NLGN1: variants seen among roughly 807,000 people sequenced by gnomAD.
NLGN1 encodes the protein neuroligin-1.
Under a neutral mutation model 65.5 loss-of-function variants are expected in NLGN1, and 12 were observed. The observed-to-expected ratio is 0.18, with a 90% CI of 0.12 to 0.30. NLGN1 has a LOEUF of 0.30. Ranked by LOEUF, NLGN1 falls within the 10% of genes least tolerant of loss-of-function variation. NLGN1 has a pLI of 1.00. For missense variants in NLGN1, 750 were observed against 1,007.1 expected (o/e 0.74, Z 3.46); for synonymous variants, 350 against 359.5 (o/e 0.97, Z 0.30).
At chr3:173,442,352 CAT>C (rs1359722369) in intron 2 of NLGN1, among the ~76,000 whole-genome samples, 1 of 151,996 alleles carries the variant, frequency 6.6e-6, no homozygotes, top group Non-Finnish European at 1.5e-5. Flanking sequence ...AATTACTGAT[CAT>C]ATTTTCTATC....
intron 4 of NLGN1, among the ~76,000 whole-genome samples, chr3:174,183,664 G>A (rs1373263467): frequency 2.0e-5 from 3 of 151,556 alleles, no homozygotes; most frequent in Non-Finnish European, 4.4e-5. Flanking sequence ...CTACTTACAT[G>A]TTAAGTCTTT....
chr3:173,696,841 T>A (rs1766293162), intron 3 of NLGN1, among the ~76,000 whole-genome samples: 2 of 152,218 alleles, frequency 1.3e-5, no homozygotes, highest in Admixed American at 6.5e-5. Flanking sequence ...TACATCACAG[T>A]CTTTTGTATT....
At chr3:173,543,562 G>T (rs1739255236) in intron 2 of NLGN1, among the ~76,000 whole-genome samples, 1 of 152,086 alleles carries the variant, frequency 6.6e-6, no homozygotes, top group Non-Finnish European at 1.5e-5. Flanking sequence ...AAGATAGCAA[G>T]CGTATTCTAA....
intron 2 of NLGN1, among the ~76,000 whole-genome samples, chr3:173,525,296 C>T (rs73043583): frequency 0.035 from 5,378 of 151,838 alleles, 313 homozygotes; most frequent in African/African-American, 0.12. Context: ...GATTTTGTGA[C>T]ACATTACTGA....
downstream of NLGN1, chr3:174,286,735 T>A (rs1292877645): frequency 2.0e-5 from 3 of 151,600 alleles, no homozygotes; most frequent in Non-Finnish European, 4.4e-5. Flanking sequence ...TCTTACAAAG[T>A]CTTTGTATTG....
At chr3:173,684,437 A>G (rs1353221039) in intron 3 of NLGN1, among the ~76,000 whole-genome samples, 1 of 152,190 alleles carries the variant, frequency 6.6e-6, no homozygotes, top group Non-Finnish European at 1.5e-5. Flanking sequence ...TATCTTTATG[A>G]TACTATGAGG....
chr3:173,419,921 C>T (rs560600596), intron 1 of NLGN1, among the ~76,000 whole-genome samples: 3 of 151,392 alleles, frequency 2.0e-5, no homozygotes, highest in South Asian at 2.1e-4. Flanking sequence ...TGCAGTAAGC[C>T]GAGATCGCAC....
chr3:173,931,971 A>C (rs957603075), intron 4 of NLGN1, among the ~76,000 whole-genome samples: 3 of 152,008 alleles, frequency 2.0e-5, no homozygotes, highest in Non-Finnish European at 2.9e-5. Context: ...CAGAATTAAG[A>C]TGACTTTAAG....
chr3:173,768,194 G>A (rs1779046110), intron 3 of NLGN1, among the ~76,000 whole-genome samples: 1 of 152,026 alleles, frequency 6.6e-6, no homozygotes, highest in African/African-American at 2.4e-5. Flanking sequence ...GAGTTTGGGG[G>A]GAAAAAGTTA....
At chr3:173,853,646 G>A (rs1727400018) in intron 4 of NLGN1, among the ~76,000 whole-genome samples, 2 of 151,964 alleles carry the variant, frequency 1.3e-5, no homozygotes. Flanking sequence ...CTTACTAAGT[G>A]CATTTTTCTT....
At chr3:173,599,693 C>A (rs1162452369) in intron 2 of NLGN1, among the ~76,000 whole-genome samples, 8 of 152,108 alleles carry the variant, frequency 5.3e-5, no homozygotes, top group African/African-American at 1.9e-4. Flanking sequence ...AACCCACAGA[C>A]CTATAAGTGC....
rs1276438485 is a variant in NLGN1 at position 173,622,039 on chromosome 3, AGAT to A, written c.493+16952_493+16954del. Among the ~76,000 whole-genome samples the A allele has an allele frequency of 7.2e-5, 11 of 152,226 alleles. No individual in the cohort carries two copies. The East Asian group carries it at 1.9e-3, about 27-fold the overall frequency. ...CATTTTTTACCAAAGCAGGGAGAAAAGATGATACATCTTACGCACTAAAATTTC... is the reference window on the plus strand; with the variant it reads ...CATTTTTTACCAAAGCAGGGAGAAAAGATACATCTTACGCACTAAAATTTC... On this transcript the variant is annotated intron_variant, in intron 3 of 6. Transcript: ENST00000457714.
At chr3:173,494,479 A>G (rs998818279) in intron 2 of NLGN1, among the ~76,000 whole-genome samples, 6 of 151,612 alleles carry the variant, frequency 4.0e-5, no homozygotes, top group African/African-American at 1.5e-4. Flanking sequence ...TAGCATCTCA[A>G]GTTATTGCTT....
intron 4 of NLGN1, among the ~76,000 whole-genome samples, chr3:174,152,685 G>T (rs1471153085): frequency 1.3e-5 from 2 of 151,774 alleles, no homozygotes; most frequent in Non-Finnish European, 2.9e-5. Flanking sequence ...ATAGTACTTT[G>T]CTTATTAAAC....
intron 2 of NLGN1, among the ~76,000 whole-genome samples, chr3:173,490,785 A>T (rs1728999366): frequency 6.6e-6 from 1 of 152,116 alleles, no homozygotes; most frequent in East Asian, 1.9e-4. Context: ...AGTGGTTTGT[A>T]GTTCTCCTTG....
At chr3:174,087,404 A>C (rs1042694758) in intron 4 of NLGN1, among the ~76,000 whole-genome samples, 1 of 152,210 alleles carries the variant, frequency 6.6e-6, no homozygotes, top group Non-Finnish European at 1.5e-5. Context: ...GTAAAATTAC[A>C]AAGCTGCCAA....
chr3:173,712,127 T>C (rs1769089657), intron 3 of NLGN1, among the ~76,000 whole-genome samples: 1 of 152,170 alleles, frequency 6.6e-6, no homozygotes, highest in Admixed American at 6.6e-5. Context: ...CATAATAATG[T>C]ATGGGGTATG....
At chr3:173,977,646 T>C (rs1717806708) in intron 4 of NLGN1, among the ~76,000 whole-genome samples, 1 of 151,512 alleles carries the variant, frequency 6.6e-6, no homozygotes, top group Non-Finnish European at 1.5e-5. Context: ...TTTATTGACC[T>C]AGAAAAAAAA....
chr3:173,699,711 G>C (rs1342753285), intron 3 of NLGN1, among the ~76,000 whole-genome samples: 1 of 152,144 alleles, frequency 6.6e-6, no homozygotes, highest in African/African-American at 2.4e-5. Context: ...AAAATCCAGA[G>C]AGTATTTTAT....
Sources: gnomAD v4.1 joint callset for allele counts (sites outside exome capture counted in the v4.1 genomes callset) on GRCh38, gnomAD v4.1.1 for gene constraint, MANE v1.5 for transcripts, NCBI Gene and HGNC (gene_info 2026-07-23, HGNC 2026-07-21) for gene names.